The following KANK1 variants were observed in gnomAD, a reference collection of about 807,000 sequenced individuals.
KANK1 encodes KN motif and ankyrin repeat domains 1, also known as KN motif and ankyrin repeat domain-containing protein 1.
KANK1 carries 109 observed loss-of-function variants against 106.2 expected under a neutral mutation model. That is an observed-to-expected ratio of 1.03 (90% CI 0.88 to 1.20). KANK1 has a LOEUF of 1.20. Among genes scored for constraint, KANK1 ranks in the 50% most tolerant of loss-of-function variants. The probability of loss-of-function intolerance (pLI) is 0.00; values close to 1 mark genes in which losing one functional copy is unlikely to be tolerated. For missense variants in KANK1, 2,399 were observed against 1,710.7 expected, an observed-to-expected ratio of 1.40 and a Z score of -7.10; for synonymous variants, 873 against 652.2, an observed-to-expected ratio of 1.34 and a Z score of -5.16.
At chr9:529,046 G>A (rs2059935807) in intron 1 of KANK1, among the ~76,000 whole-genome samples, 1 of 152,096 alleles carries the variant, frequency 6.6e-6, no homozygotes, top group Non-Finnish European at 1.5e-5. Context: ...TGATCCTCCT[G>A]CCTTGGCCTC....
intron 1 of KANK1, among the ~76,000 whole-genome samples, chr9:666,288 C>T (rs1481284386): frequency 6.6e-6 from 1 of 152,086 alleles, no homozygotes; most frequent in Non-Finnish European, 1.5e-5. Context: ...TATATAAATG[C>T]TACTGAATTT....
chr9:739,362 CTG>C (rs1491401310), intron 8 of KANK1, among the ~76,000 whole-genome samples: 1 of 152,202 alleles, frequency 6.6e-6, no homozygotes, highest in African/African-American at 2.4e-5. Flanking sequence ...GTCCAATTTT[CTG>C]AAATTCTGTC....
intron 3 of KANK1, among the ~76,000 whole-genome samples, chr9:487,451 A>C (rs1458452666): frequency 2.6e-5 from 4 of 152,224 alleles, no homozygotes; most frequent in Admixed American, 6.5e-5. Flanking sequence ...GTTAGATGTA[A>C]GTGCATTTTC....
intron 1 of KANK1, among the ~76,000 whole-genome samples, chr9:654,477 C>G (rs1841635638): frequency 6.6e-6 from 1 of 152,026 alleles, no homozygotes; most frequent in African/African-American, 2.4e-5. Flanking sequence ...CAGGTAAGCC[C>G]CATAGAGTGT....
At chr9:477,044 T>C (rs939578398) in intron 3 of KANK1, among the ~76,000 whole-genome samples, 10 of 152,202 alleles carry the variant, frequency 6.6e-5, no homozygotes. Flanking sequence ...AAAAGCACAT[T>C]TGTCTGATAC....
chr9:607,676 CA>C (rs1390275788), intron 1 of KANK1, among the ~76,000 whole-genome samples: 2 of 151,752 alleles, frequency 1.3e-5, no homozygotes, highest in African/African-American at 4.9e-5. Context: ...TCACCCAGCC[CA>C]GCAGCAGAGT....
intron 2 of KANK1, chr9:686,686 G>A (rs972394702): frequency 5.7e-6 from 5 of 873,192 alleles, no homozygotes; most frequent in African/African-American, 1.8e-5. Flanking sequence ...ACAACTGTTT[G>A]GCAGTGTGAG....
chr9:640,553 A>G (rs1838184612), intron 1 of KANK1, among the ~76,000 whole-genome samples: 1 of 151,880 alleles, frequency 6.6e-6, no homozygotes, highest in Non-Finnish European at 1.5e-5. Context: ...GCCTACCATC[A>G]TGCCCAGCTA....
At chr9:627,485 T>C (rs1834641736) in intron 1 of KANK1, among the ~76,000 whole-genome samples, 2 of 152,218 alleles carry the variant, frequency 1.3e-5, no homozygotes, top group African/African-American at 4.8e-5. Context: ...TATCAGGATA[T>C]TCCTGGGGAC....
chr9:517,071 A>AT (rs143339417), intron 1 of KANK1, among the ~76,000 whole-genome samples: 10,863 of 150,778 alleles, frequency 0.072, 551 homozygotes, highest in South Asian at 0.093. Flanking sequence ...CGAGGGAGCT[A>AT]TTAGTTATCC....
chr9:732,792 C>A, intron 6 of KANK1, 175 bp downstream of exon 6: 1 of 623,286 alleles, frequency 1.6e-6, no homozygotes, highest in Non-Finnish European at 2.7e-6. Context: ...ACTCTTAGAT[C>A]TCTTATGGTA....
At chr9:523,272 C>G (rs942083868) in intron 1 of KANK1, among the ~76,000 whole-genome samples, 1 of 151,638 alleles carries the variant, frequency 6.6e-6, no homozygotes, top group African/African-American at 2.4e-5. Context: ...GGTAAAACCC[C>G]TAAACTTTGT....
At chr9:614,440 T>C (rs1192801290) in intron 1 of KANK1, among the ~76,000 whole-genome samples, 2 of 152,202 alleles carry the variant, frequency 1.3e-5, no homozygotes, top group African/African-American at 2.4e-5. Context: ...GGCATAAAGT[T>C]AATGGTATTT....
chr9:646,124 T>G (rs2137348940), intron 1 of KANK1, among the ~76,000 whole-genome samples: 1 of 150,872 alleles, frequency 6.6e-6, no homozygotes, highest in East Asian at 1.9e-4. Context: ...ATACCTATTT[T>G]GACAGCCATA....
intron 2 of KANK1, chr9:684,440 A>G: frequency 3.0e-6 from 3 of 985,440 alleles, no homozygotes; most frequent in Non-Finnish European, 3.6e-6. Flanking sequence ...CCCAACAGGG[A>G]GATTCGCTGT....
intron 1 of KANK1, among the ~76,000 whole-genome samples, chr9:601,669 T>C (rs1480153041): frequency 6.6e-6 from 1 of 151,880 alleles, no homozygotes; most frequent in Non-Finnish European, 1.5e-5. Context: ...CCCAATATTA[T>C]CATCATTATT....
intron 1 of KANK1, among the ~76,000 whole-genome samples, chr9:532,364 C>CTCT: frequency 1.2e-5 from 1 of 81,860 alleles, no homozygotes; most frequent in African/African-American, 5.1e-5. Context: ...GCCTCAAGCA[C>CTCT]TTTTTTTTTT....
intron 1 of KANK1, among the ~76,000 whole-genome samples, chr9:590,567 G>A (rs1211892215): frequency 2.0e-5 from 3 of 151,944 alleles, no homozygotes; most frequent in Non-Finnish European, 2.9e-5. Context: ...AAGATGTATC[G>A]ATAAATAAAA....
chr9:505,104 G>T (rs1451093736), intron 1 of KANK1, among the ~76,000 whole-genome samples: 1 of 152,074 alleles, frequency 6.6e-6, no homozygotes, highest in Non-Finnish European at 1.5e-5. Flanking sequence ...CCGGCCGGCG[G>T]GAGGGTGCGG....
Sources: allele counts gnomAD v4.1 joint callset (sites outside exome capture counted in the v4.1 genomes callset), GRCh38; gene constraint gnomAD v4.1.1; transcripts MANE v1.5; gene names NCBI Gene and HGNC (gene_info 2026-07-23, HGNC 2026-07-21).